Variants in ABCD2 observed in about 807,000 individuals in gnomAD.
ABCD2 encodes the protein ATP binding cassette subfamily D member 2, also known as ATP-binding cassette sub-family D member 2.
Under a neutral mutation model 70.9 loss-of-function variants are expected in ABCD2, and 36 were observed. The observed-to-expected ratio is 0.51, with a 90% confidence interval of 0.39 to 0.67. The LOEUF (loss-of-function observed/expected upper bound fraction) is 0.67. Among genes scored for constraint, ABCD2 ranks in the 30% least tolerant of loss-of-function variants. The pLI is 0.00. For synonymous variants in ABCD2, 304 were observed against 306.9 expected, an observed-to-expected ratio of 0.99 and a Z score of 0.10; for missense variants, 729 against 890.2, an observed-to-expected ratio of 0.82 and a Z score of 2.30.
intron 6 of ABCD2, among the ~76,000 whole-genome samples, chr12:39,590,011 T>A (rs961217484): frequency 6.6e-6 from 1 of 152,192 alleles, no homozygotes; most frequent in Admixed American, 6.5e-5. Context: ...GGAAAGACTG[T>A]GTCAAGAAAA....
At chr12:39,556,785 G>GACCA (rs1941172918) in intron 9 of ABCD2, among the ~76,000 whole-genome samples, 2 of 151,980 alleles carry the variant, frequency 1.3e-5, no homozygotes, top group Non-Finnish European at 1.5e-5. Context: ...AGGAGTTCAA[G>GACCA]ACCAGCCTGG....
At chr12:39,558,267 G>T (rs944672614) in intron 9 of ABCD2, among the ~76,000 whole-genome samples, 1 of 152,194 alleles carries the variant, frequency 6.6e-6, no homozygotes, top group African/African-American at 2.4e-5. Flanking sequence ...TGGAATGGGT[G>T]TATTTGCCCA....
intron 6 of ABCD2, among the ~76,000 whole-genome samples, chr12:39,594,988 C>CTG (rs1566570954): frequency 6.6e-6 from 1 of 151,952 alleles, no homozygotes; most frequent in Non-Finnish European, 1.5e-5. Context: ...CCATGGTGAA[C>CTG]CCAGGAGGCA....
intron 6 of ABCD2, among the ~76,000 whole-genome samples, chr12:39,591,899 A>G (rs1021325732): frequency 6.6e-6 from 1 of 152,200 alleles, no homozygotes. Flanking sequence ...GTACTCATAA[A>G]ATGAGAAAAA....
At chr12:39,590,504 T>A (rs960030249) in intron 6 of ABCD2, among the ~76,000 whole-genome samples, 3 of 152,258 alleles carry the variant, frequency 2.0e-5, no homozygotes, top group Admixed American at 6.5e-5. Flanking sequence ...GTGTCACATG[T>A]GGATCATTTA....
chr12:39,543,514 T>C, the ABCD2 span, among the ~76,000 whole-genome samples: 1 of 152,242 alleles, frequency 6.6e-6, no homozygotes, highest in Non-Finnish European at 1.5e-5. Context: ...ATTAAAATTG[T>C]GTAGGAACAC....
At chr12:39,587,584 A>G (rs1350285696) in intron 6 of ABCD2, among the ~76,000 whole-genome samples, 1 of 152,230 alleles carries the variant, frequency 6.6e-6, no homozygotes. Flanking sequence ...ATATTTAAAA[A>G]AGGAAACACA....
At chr12:39,612,609 A>T (rs1415379839) in intron 2 of ABCD2, among the ~76,000 whole-genome samples, 1 of 152,238 alleles carries the variant, frequency 6.6e-6, no homozygotes, top group Admixed American at 6.5e-5. Context: ...CATATATGCT[A>T]TACTTTAAAC....
At chr12:39,613,523 A>G (rs1019434990) in intron 2 of ABCD2, among the ~76,000 whole-genome samples, 1 of 152,136 alleles carries the variant, frequency 6.6e-6, no homozygotes, top group Non-Finnish European at 1.5e-5. Context: ...ATAGTATAAT[A>G]GAAACTCTAC....
At chr12:39,612,308 CA>C (rs1399622303) in intron 2 of ABCD2, among the ~76,000 whole-genome samples, 1 of 152,090 alleles carries the variant, frequency 6.6e-6, no homozygotes, top group East Asian at 1.9e-4. Flanking sequence ...TAATACCCAG[CA>C]AACTGGATAC....
chr12:39,586,429 G>A (rs1292645401), intron 6 of ABCD2, 132 bp from the exon 7 acceptor site: 3 of 848,476 alleles, frequency 3.5e-6, no homozygotes, highest in African/African-American at 3.5e-5. Flanking sequence ...TTGTTACCTG[G>A]CGATGAGTAC....
intron 2 of ABCD2, 125 bp downstream of exon 2, chr12:39,616,863 G>T (rs2120791371): frequency 3.6e-6 from 3 of 827,926 alleles, no homozygotes; most frequent in South Asian, 2.8e-5. Context: ...GTCTGCCATT[G>T]TTTCGGACCA....
chr12:39,610,864 A>G (rs1942035436), intron 2 of ABCD2, among the ~76,000 whole-genome samples: 4 of 152,210 alleles, frequency 2.6e-5, no homozygotes, highest in Admixed American at 2.6e-4. Flanking sequence ...TGTCATGCAC[A>G]CAACAGCCAA....
Position 39,607,474 on chromosome 12 carries a change from T to C in ABCD2, c.1236+125A>G, listed in dbSNP as rs986438611. 7 of 697,226 alleles carry C rather than the reference T, an allele frequency of 1.0e-5. No individual in the cohort carries two copies. The Admixed American group carries it at 1.7e-4, about 16-fold the overall frequency. The allele number at this position is 697,226 out of a possible 1,614,324, so 43.2% of individuals were successfully genotyped here. On this transcript the variant is annotated intron_variant, in intron 3 of 9. Coordinates refer to ENST00000308666, the MANE Select transcript of ABCD2 (RefSeq NM_005164.4). ...GAATTGCTGCCCTTAATCTTGATTA[T>C]ACGCAGCAATTTTTGGCAGAGAAAA...
the ABCD2 span, among the ~76,000 whole-genome samples, chr12:39,536,718 A>T: frequency 6.6e-6 from 1 of 152,166 alleles, no homozygotes; most frequent in Non-Finnish European, 1.5e-5. Flanking sequence ...GAGCTGAAGG[A>T]GAAAACGTTC....
At chr12:39,542,274 T>C in the ABCD2 span, among the ~76,000 whole-genome samples, 1 of 152,024 alleles carries the variant, frequency 6.6e-6, no homozygotes, top group Non-Finnish European at 1.5e-5. Flanking sequence ...CAATCCTGGC[T>C]AACATGGGGA....
chr12:39,564,448 T>C (rs559752103), intron 9 of ABCD2, among the ~76,000 whole-genome samples: 1 of 152,376 alleles, frequency 6.6e-6, no homozygotes, highest in Non-Finnish European at 1.5e-5. Context: ...TGTCTGTTCA[T>C]ATCCTTTGCC....
At chr12:39,607,417 A>T (rs922039905) in intron 3 of ABCD2, among the ~76,000 whole-genome samples, 182 bp downstream of exon 3, 3 of 152,214 alleles carry the variant, frequency 2.0e-5, no homozygotes, top group Admixed American at 6.5e-5. Context: ...ATAGTATTAT[A>T]AAACAAAGGA....
downstream of ABCD2, among the ~76,000 whole-genome samples, chr12:39,549,117 C>T (rs571611957): frequency 7.6e-4 from 115 of 152,030 alleles, no homozygotes; most frequent in African/African-American, 2.6e-3. Flanking sequence ...TTCAAGACAA[C>T]ATGCTAAATA....
Sources: gnomAD v4.1 joint callset for allele counts (sites outside exome capture counted in the v4.1 genomes callset) on GRCh38, gnomAD v4.1.1 for gene constraint, MANE v1.5 for transcripts, NCBI Gene and HGNC (gene_info 2026-07-23, HGNC 2026-07-21) for gene names.